Variants in INPP4B observed in about 807,000 individuals in gnomAD.
INPP4B encodes the protein inositol polyphosphate 4-phosphatase type II.
A neutral mutation model predicts 122.5 loss-of-function variants in INPP4B; 55 were observed. The observed-to-expected ratio is 0.45, with a 90% CI of 0.36 to 0.56. INPP4B has a LOEUF of 0.56. Ranked by LOEUF, INPP4B falls within the 20% of genes least tolerant of loss-of-function variation. The pLI is 0.00. For missense variants in INPP4B, 1,000 were observed against 1,097.7 expected, an observed-to-expected ratio of 0.91 and a Z score of 1.26; for synonymous variants, 403 against 388.7, an observed-to-expected ratio of 1.04 and a Z score of -0.43.
rs562424728 is a variant in INPP4B at position 142,723,457 on chromosome 4, A to C, written c.-191+2382T>G. Among the ~76,000 whole-genome samples the C allele has an allele frequency of 2.0e-5, 3 of 152,272 alleles. No homozygotes were observed. The East Asian group carries it at 5.8e-4, about 29-fold the overall frequency. On this transcript the variant is annotated intron_variant, in intron 2 of 25. Transcript: ENST00000262992. ...AAAGATATTTTAACCTGACTAATTG[A>C]AGTTCCCTCCATCTTTGGATGACAA... is the stretch of plus-strand genomic sequence containing the variant.
chr4:142,097,917 G>A (rs193285466), intron 23 of INPP4B, among the ~76,000 whole-genome samples: 89 of 152,230 alleles, frequency 5.8e-4, no homozygotes, highest in Admixed American at 1.7e-3. Context: ...TAGAAACAAC[G>A]TGCTAGTCCT....
intron 2 of INPP4B, among the ~76,000 whole-genome samples, chr4:142,667,251 T>C (rs1446076087): frequency 1.2e-4 from 18 of 152,218 alleles, no homozygotes; most frequent in Admixed American, 1.2e-3. Flanking sequence ...CTTCACATTT[T>C]AGTTTTTTCT....
chr4:142,431,330 T>A lies in INPP4B; in HGVS notation c.-71A>T. ...ATGTCAGTTCTAGTGATTCCTGGTT[T>A]AATGTAGATGTATCTTCACACTAAA... On this transcript the variant is annotated 5_prime_UTR_variant, in exon 4 of 26. Coordinates refer to ENST00000262992, the MANE Select transcript of INPP4B (RefSeq NM_001101669.3). 9.5e-7 allele frequency: 1 copy of A among 1,047,154 alleles called. No individual in the cohort carries two copies. The highest frequency in any genetic ancestry group is 1.5e-6 in the Non-Finnish European group (1 of 672,768). 64.9% of individuals were successfully genotyped at this position (1,047,154 alleles called of 1,614,324 possible).
intron 11 of INPP4B, among the ~76,000 whole-genome samples, chr4:142,240,114 G>C (rs1178509389): frequency 2.0e-5 from 3 of 149,298 alleles, no homozygotes; most frequent in Non-Finnish European, 4.4e-5. Context: ...TGTCACCAAG[G>C]CCGGAGCTTA....
chr4:142,358,665 A>AC (rs1365643811), intron 7 of INPP4B, among the ~76,000 whole-genome samples: 62 of 150,680 alleles, frequency 4.1e-4, no homozygotes, highest in African/African-American at 7.6e-4. Context: ...AAAAAAAAAA[A>AC]AAAAAACTCC....
At chr4:142,107,042 A>T (rs184513372) in intron 23 of INPP4B, among the ~76,000 whole-genome samples, 1 of 152,306 alleles carries the variant, frequency 6.6e-6, no homozygotes, top group East Asian at 1.9e-4. Context: ...CAAATTTAAT[A>T]CTTAAAGTAT....
chr4:142,575,110 C>T (rs1411454937), intron 2 of INPP4B, among the ~76,000 whole-genome samples: 1 of 151,924 alleles, frequency 6.6e-6, no homozygotes, highest in Non-Finnish European at 1.5e-5. Context: ...GGAAAATTTA[C>T]TGTGAAATAT....
intron 2 of INPP4B, among the ~76,000 whole-genome samples, chr4:142,575,455 C>T (rs1411910145): frequency 5.3e-5 from 8 of 152,090 alleles, no homozygotes; most frequent in Non-Finnish European, 1.0e-4. Flanking sequence ...TCTACTTTCT[C>T]CACCATACCT....
At chr4:142,653,819 T>C (rs1753544379) in intron 2 of INPP4B, among the ~76,000 whole-genome samples, 1 of 152,178 alleles carries the variant, frequency 6.6e-6, no homozygotes, top group South Asian at 2.1e-4. Flanking sequence ...TGGCAATTCC[T>C]CAAGGATCTA....
chr4:142,743,108 G>T (rs1768138572), intron 1 of INPP4B, among the ~76,000 whole-genome samples: 2 of 152,000 alleles, frequency 1.3e-5, no homozygotes, highest in African/African-American at 4.8e-5. Context: ...TCTTGGATTA[G>T]TCCATTCTGT....
chr4:142,779,582 T>C (rs1347298878), intron 1 of INPP4B, among the ~76,000 whole-genome samples: 1 of 152,060 alleles, frequency 6.6e-6, no homozygotes, highest in African/African-American at 2.4e-5. Flanking sequence ...TACACTGAGG[T>C]CAATATTGGT....
chr4:142,572,888 T>C (rs1221048888), intron 2 of INPP4B, among the ~76,000 whole-genome samples: 10 of 150,966 alleles, frequency 6.6e-5, no homozygotes, highest in Admixed American at 4.6e-4. Flanking sequence ...TTTTATATAT[T>C]ATATATAAAT....
chr4:142,461,701 C>G (rs1816775165), intron 3 of INPP4B, among the ~76,000 whole-genome samples: 1 of 152,146 alleles, frequency 6.6e-6, no homozygotes, highest in Non-Finnish European at 1.5e-5. Flanking sequence ...AAAGAAACTT[C>G]TTAAAATGCA....
chr4:142,720,465 G>A lies in INPP4B; in HGVS notation c.-191+5374C>T, dbSNP rs550515039. Among the ~76,000 whole-genome samples, 9 of 151,938 alleles carry A rather than the reference G, an allele frequency of 5.9e-5. No homozygotes were observed. The South Asian group carries it at 1.9e-3, about 32-fold the overall frequency. On this transcript the variant is annotated intron_variant, in intron 2 of 25. Transcript: ENST00000262992. ...CTTTCCCAATGTACCAGAATATGCG[G>A]ATGTTCAAGTCCCTTATATAAAACG...
intron 18 of INPP4B, among the ~76,000 whole-genome samples, chr4:142,126,855 G>C (rs1798837067): frequency 6.6e-6 from 1 of 151,652 alleles, no homozygotes. Flanking sequence ...TTTCATATTT[G>C]CATTTTTATC....
intron 1 of INPP4B, among the ~76,000 whole-genome samples, chr4:142,734,459 G>GT (rs1455693927): frequency 6.6e-6 from 1 of 152,124 alleles, no homozygotes; most frequent in African/African-American, 2.4e-5. Flanking sequence ...AGAGTCTCTG[G>GT]TGTGCACCAA....
At chr4:142,645,448 C>T (rs571863667) in intron 2 of INPP4B, among the ~76,000 whole-genome samples, 2 of 152,250 alleles carry the variant, frequency 1.3e-5, no homozygotes, top group Admixed American at 6.5e-5. Context: ...TGGATATGTG[C>T]CTTTCCTAAT....
intron 2 of INPP4B, among the ~76,000 whole-genome samples, chr4:142,601,813 T>TA (rs552470354): frequency 4.2e-4 from 63 of 150,886 alleles, no homozygotes; most frequent in Admixed American, 2.6e-3. Context: ...ACCGAAAATA[T>TA]AAAAAATTAG....
At chr4:142,813,001 C>T (rs1433631085) in intron 1 of INPP4B, among the ~76,000 whole-genome samples, 2 of 152,102 alleles carry the variant, frequency 1.3e-5, no homozygotes, top group East Asian at 1.9e-4. Flanking sequence ...AATTTAATGC[C>T]ATATCCCCTG....
Sources: allele counts gnomAD v4.1 joint callset (sites outside exome capture counted in the v4.1 genomes callset), GRCh38; gene constraint gnomAD v4.1.1; transcripts MANE v1.5; gene names NCBI Gene and HGNC (gene_info 2026-07-23, HGNC 2026-07-21).